ZNF383: variants seen among roughly 807,000 people sequenced by gnomAD.
ZNF383 encodes zinc finger protein 383.
Under a neutral mutation model 44.2 loss-of-function variants are expected in ZNF383, and 32 were observed. The observed-to-expected ratio is 0.72, with a 90% CI of 0.55 to 0.97. The LOEUF (loss-of-function observed/expected upper bound fraction) is 0.97, where lower values mean the gene tolerates loss of function less well. Ranked by LOEUF, ZNF383 falls within the 50% of genes least tolerant of loss-of-function variation. ZNF383 has a pLI of 0.00. For missense variants in ZNF383, 487 were observed against 562.5 expected (o/e 0.87, Z 1.36); for synonymous variants, 155 against 186.2 (o/e 0.83, Z 1.36).
intron 3 of ZNF383, among the ~76,000 whole-genome samples, chr19:37,233,190 G>A (rs537304716): frequency 4.6e-5 from 7 of 152,168 alleles, no homozygotes; most frequent in African/African-American, 1.7e-4. Context: ...GAGTGCAGTG[G>A]TGATATCTCA....
chr19:37,229,197 C>G (rs140508231), intron 2 of ZNF383, among the ~76,000 whole-genome samples: 1,567 of 148,314 alleles, frequency 0.011, 28 homozygotes, highest in African/African-American at 0.037. Context: ...TCTTGTTGCC[C>G]AGGCTGGAGT....
At chr19:37,237,556 A>G (rs1311756030) in intron 5 of ZNF383, among the ~76,000 whole-genome samples, 9 of 152,236 alleles carry the variant, frequency 5.9e-5, no homozygotes, top group Non-Finnish European at 1.3e-4. Flanking sequence ...TCTGAAGCCT[A>G]CATTCTAGAG....
chr19:37,243,514 A>G lies in ZNF383; in HGVS notation c.1278A>G (p.Glu426=), dbSNP rs745814517. The stretch of plus-strand genomic sequence containing the variant: ...ATGAAAAACCATATGAATGTAATGA[A>G]TGTGGAAAGGCCTTTAATAAATGCT... ...HTDEKPYECN[E]CGKAFNKCSN... is the part of the protein sequence containing the mutation. Residue 426 remains glutamate, a synonymous_variant, in exon 6 of 6, where the codon GAA becomes GAG. Transcript: ENST00000684119. 1.9e-6 allele frequency: 3 copies of G among 1,614,168 alleles called. No homozygotes were observed. Among genetic ancestry groups the G allele is most frequent in the Non-Finnish European group, 2.5e-6 (3 of 1,180,016 alleles).
chr19:37,240,590 C>G (rs1228798191), intron 5 of ZNF383, among the ~76,000 whole-genome samples: 1 of 152,208 alleles, frequency 6.6e-6, no homozygotes, highest in Non-Finnish European at 1.5e-5. Flanking sequence ...TTAGCTCCTT[C>G]TCTCTCATTC....
intron 1 of ZNF383, chr19:37,219,278 G>A (rs1972808849): frequency 6.5e-6 from 1 of 152,936 alleles, no homozygotes. Flanking sequence ...GTTTTAAGGC[G>A]GAGTTTCGCT....
At chr19:37,223,229 T>C (rs930722077) in intron 1 of ZNF383, among the ~76,000 whole-genome samples, 3 of 152,188 alleles carry the variant, frequency 2.0e-5, no homozygotes, top group African/African-American at 7.2e-5. Flanking sequence ...TATAGAACAG[T>C]GTACCTTACA....
At chr19:37,225,954 TA>T (rs1973144308) in intron 2 of ZNF383, among the ~76,000 whole-genome samples, 1 of 132,872 alleles carries the variant, frequency 7.5e-6, no homozygotes, top group Non-Finnish European at 1.6e-5. Flanking sequence ...CATGTCTAAC[TA>T]ACTTTTTTTT....
chr19:37,222,651 T>A (rs1972979624), intron 1 of ZNF383, among the ~76,000 whole-genome samples: 1 of 152,220 alleles, frequency 6.6e-6, no homozygotes, highest in African/African-American at 2.4e-5. Context: ...GTGGTGGGAT[T>A]ACAGGTGTGA....
intron 5 of ZNF383, among the ~76,000 whole-genome samples, chr19:37,239,870 G>A (rs936158833): frequency 5.3e-5 from 8 of 152,032 alleles, no homozygotes; most frequent in African/African-American, 1.9e-4. Context: ...GAAAGTTACT[G>A]CAAGATCTGC....
intron 2 of ZNF383, among the ~76,000 whole-genome samples, chr19:37,229,632 G>GTA (rs71177436): frequency 9.2e-4 from 130 of 140,652 alleles, no homozygotes; most frequent in Admixed American, 1.4e-3. Flanking sequence ...GTGTGTGTGT[G>GTA]TATATATATA....
intron 1 of ZNF383, chr19:37,219,549 C>T (rs775704308): frequency 5.4e-4 from 83 of 153,268 alleles, no homozygotes; most frequent in Non-Finnish European, 9.7e-4. Context: ...GCCACCACGC[C>T]GGGCCGCCTA....
intron 2 of ZNF383, among the ~76,000 whole-genome samples, chr19:37,226,175 T>C (rs928808639): frequency 5.9e-5 from 9 of 152,100 alleles, no homozygotes; most frequent in Non-Finnish European, 1.5e-5. Flanking sequence ...TTTTTGTAGT[T>C]GTTTATTTGT....
At chr19:37,234,489 C>T (rs1167168891) in intron 3 of ZNF383, among the ~76,000 whole-genome samples, 3 of 151,988 alleles carry the variant, frequency 2.0e-5, no homozygotes, top group Non-Finnish European at 2.9e-5. Context: ...CCCGGATTCA[C>T]GCCACTCTCC....
At position 37,245,427 on chromosome 19, in the gene ZNF383, C is replaced by T. The variant is rs1055877729; in HGVS notation, c.*1763C>T. On this transcript the variant is annotated 3_prime_UTR_variant, in exon 6 of 6. Coordinates refer to ENST00000684119, the MANE Select transcript of ZNF383 (RefSeq NM_001387601.1). ...CCCAATGCCATACTAGAAAGTAACA[C>T]TGTTATGAAAGTGTTATTTATCAAT... is the stretch of plus-strand genomic sequence containing the variant. 2 of 151,884 alleles carry T rather than the reference C, an allele frequency of 1.3e-5. No homozygotes were observed. The highest frequency in any genetic ancestry group is 4.8e-5 in the African/African-American group (2 of 41,346). 9.4% of individuals were successfully genotyped at this position (151,884 alleles called of 1,614,324 possible). A position where few individuals can be genotyped will look rare whatever the true frequency, so the allele number is the denominator to read the frequency against.
chr19:37,240,494 T>G (rs1599804106), intron 5 of ZNF383, among the ~76,000 whole-genome samples: 1 of 152,336 alleles, frequency 6.6e-6, no homozygotes, highest in East Asian at 1.9e-4. Context: ...GGCAGTCAGC[T>G]CTCATCAATC....
chr19:37,240,631 C>G (rs1287274466), intron 5 of ZNF383, among the ~76,000 whole-genome samples: 1 of 152,180 alleles, frequency 6.6e-6, no homozygotes, highest in Non-Finnish European at 1.5e-5. Context: ...AGTCTCCTCT[C>G]CCCTAAGATC....
At position 37,242,980 on chromosome 19, in the gene ZNF383, T is replaced by C. The variant is rs1974203184; in HGVS notation, c.744T>C (p.His248=). 6.2e-7 allele frequency: 1 copy of C among 1,614,010 alleles called. No individual in the cohort carries two copies. Among genetic ancestry groups the C allele is most frequent in the Non-Finnish European group, 8.5e-7 (1 of 1,179,940 alleles). Residue 248 remains histidine (H), a synonymous_variant, in exon 6 of 6, where the codon CAT becomes CAC. Coordinates refer to ENST00000684119, the MANE Select transcript of ZNF383 (RefSeq NM_001387601.1). ...SSYLSQHQRI[H]TGKKPYECKE... is the part of the protein sequence containing the mutation. ...ACCTTTCTCAACATCAGAGAATCCA[T>C]ACCGGTAAGAAACCCTATGAATGTA... is the stretch of plus-strand genomic sequence containing the variant.
chr19:37,230,529 T>G, intron 3 of ZNF383, 67 bp downstream of exon 3: 1 of 1,554,058 alleles, frequency 6.4e-7, no homozygotes. Flanking sequence ...CATGAGCATT[T>G]GCTTTCCTTA....
At chr19:37,237,000 C>G (rs1407016969) in intron 5 of ZNF383, among the ~76,000 whole-genome samples, 10 of 149,226 alleles carry the variant, frequency 6.7e-5, no homozygotes, top group African/African-American at 2.4e-4. Context: ...CACACAGAGA[C>G]ACACACACAC....
Sources: gnomAD v4.1 joint callset for allele counts (sites outside exome capture counted in the v4.1 genomes callset) on GRCh38, gnomAD v4.1.1 for gene constraint, MANE v1.5 for transcripts, NCBI Gene and HGNC (gene_info 2026-07-23, HGNC 2026-07-21) for gene names.